KLRD1: variants seen among roughly 807,000 people sequenced by gnomAD.
KLRD1 encodes killer cell lectin like receptor D1.
A neutral mutation model predicts 22.6 loss-of-function variants in KLRD1; 21 were observed. That is an observed-to-expected ratio of 0.93 (90% CI 0.66 to 1.34). The LOEUF (loss-of-function observed/expected upper bound fraction) is 1.34. KLRD1 is among the 40% of genes most tolerant of loss of function. The pLI, the probability that KLRD1 is intolerant of heterozygous loss-of-function variation, is 0.00. For missense variants in KLRD1, 183 were observed against 208.6 expected, an observed-to-expected ratio of 0.88 and a Z score of 0.76; for synonymous variants, 59 against 71.1, an observed-to-expected ratio of 0.83 and a Z score of 0.85.
At chr12:10,251,383 C>T (rs1342225255) in intron 1 of KLRD1, among the ~76,000 whole-genome samples, 1 of 152,042 alleles carries the variant, frequency 6.6e-6, no homozygotes, top group Non-Finnish European at 1.5e-5. Flanking sequence ...TCTTAGCCTC[C>T]TAAAGTGCTG....
At chr12:10,253,536 A>G (rs1949364027) in intron 1 of KLRD1, among the ~76,000 whole-genome samples, 2 of 149,590 alleles carry the variant, frequency 1.3e-5, no homozygotes, top group South Asian at 4.3e-4. Flanking sequence ...CCCAGTACCC[A>G]ATAGATACCT....
Position 10,265,763 on chromosome 12 carries a change from A to C in KLRD1, c.-101+39530A>C, listed in dbSNP as rs116618550. On this transcript the variant is annotated intron_variant, in intron 1 of 5. Coordinates refer to the KLRD1 transcript ENST00000544747. ...CAGAGTGAGAATCCCTCTCAAAAAAAAGAAAAAGATTCTTAGGCCTAGGCC... is the reference window on the plus strand; with the variant it reads ...CAGAGTGAGAATCCCTCTCAAAAAACAGAAAAAGATTCTTAGGCCTAGGCC... 3.7e-3 allele frequency among the ~76,000 whole-genome samples: 563 copies of C among 152,324 alleles called. 2 individuals are homozygous for C. The highest frequency in any genetic ancestry group is 0.012 in the African/African-American group (509 of 41,570).
At chr12:10,259,816 A>C (rs1949431331) in intron 1 of KLRD1, among the ~76,000 whole-genome samples, 1 of 152,198 alleles carries the variant, frequency 6.6e-6, no homozygotes, top group Non-Finnish European at 1.5e-5. Context: ...AAATACAAAA[A>C]TTAGCCAGGC....
At chr12:10,311,974 T>C (rs565412775) in intron 4 of KLRD1, among the ~76,000 whole-genome samples, 21 of 152,152 alleles carry the variant, frequency 1.4e-4, no homozygotes, top group African/African-American at 4.8e-4. Context: ...TTTATAATTT[T>C]ATAGTTTTTG....
At chr12:10,252,095 T>C (rs1264543526) in intron 1 of KLRD1, among the ~76,000 whole-genome samples, 1 of 152,142 alleles carries the variant, frequency 6.6e-6, no homozygotes, top group South Asian at 2.1e-4. Flanking sequence ...ATTAAATTAC[T>C]GCTTTTTGCT....
intron 1 of KLRD1, among the ~76,000 whole-genome samples, chr12:10,241,519 G>T (rs1249376594): frequency 6.6e-6 from 1 of 152,114 alleles, no homozygotes; most frequent in Admixed American, 6.5e-5. Flanking sequence ...TCAAAGAGAA[G>T]GCTTCTAGGT....
intron 1 of KLRD1, among the ~76,000 whole-genome samples, chr12:10,285,132 G>A (rs1270515538): frequency 6.6e-6 from 1 of 152,152 alleles, no homozygotes; most frequent in Non-Finnish European, 1.5e-5. Flanking sequence ...CTCTACTGAT[G>A]TTGCCAGTGT....
At chr12:10,249,148 G>A (rs888937846) in intron 1 of KLRD1, among the ~76,000 whole-genome samples, 8 of 152,136 alleles carry the variant, frequency 5.3e-5, no homozygotes, top group African/African-American at 1.9e-4. Context: ...CAAACATGGA[G>A]TCATTGGCAT....
intron 1 of KLRD1, among the ~76,000 whole-genome samples, chr12:10,243,382 G>A (rs1949258592): frequency 6.6e-6 from 1 of 151,926 alleles, no homozygotes; most frequent in Non-Finnish European, 1.5e-5. Context: ...GGGAGGCCAA[G>A]GCAGGTGGAT....
At chr12:10,254,713 A>G (rs1321605600) in intron 1 of KLRD1, among the ~76,000 whole-genome samples, 2 of 151,872 alleles carry the variant, frequency 1.3e-5, no homozygotes, top group Non-Finnish European at 2.9e-5. Context: ...ACATGGTGAA[A>G]CCCTGTCTCA....
chr12:10,295,850 T>C (rs571202994), intron 1 of KLRD1, among the ~76,000 whole-genome samples: 1 of 152,284 alleles, frequency 6.6e-6, no homozygotes, highest in African/African-American at 2.4e-5. Flanking sequence ...AAGAAACATA[T>C]TAGGTTCATG....
upstream of KLRD1, among the ~76,000 whole-genome samples, chr12:10,306,146 G>A (rs1949922825): frequency 9.9e-6 from 1 of 101,258 alleles, no homozygotes; most frequent in Non-Finnish European, 2.5e-5. Flanking sequence ...CAGCCTGGGT[G>A]ACAGAGACTC....
At chr12:10,250,241 T>G (rs1949333738) in intron 1 of KLRD1, among the ~76,000 whole-genome samples, 1 of 7,498 alleles carries the variant, frequency 1.3e-4, no homozygotes, top group African/African-American at 1.5e-4. Context: ...GGGGCTGTTA[T>G]GAGTGCTGGA....
At chr12:10,243,636 G>GAA (rs1949263487) in intron 1 of KLRD1, among the ~76,000 whole-genome samples, 1 of 124,422 alleles carries the variant, frequency 8.0e-6, no homozygotes, top group African/African-American at 3.1e-5. Context: ...AAAAAAAACC[G>GAA]AAATGAAAGA....
At chr12:10,247,459 AT>A (rs1343120104) in intron 1 of KLRD1, among the ~76,000 whole-genome samples, 2 of 152,140 alleles carry the variant, frequency 1.3e-5, no homozygotes, top group African/African-American at 4.8e-5. Flanking sequence ...TTTGTATAAC[AT>A]TTTTAGAAAA....
Position 10,326,258 on chromosome 12 carries a change from A to G in KLRD1, c.*11465A>G, listed in dbSNP as rs1950360681. On this transcript the variant is annotated 3_prime_UTR_variant, in exon 6 of 6. Transcript: ENST00000336164. The stretch of plus-strand genomic sequence containing the variant: ...GCAATTATTTTCTCCCATTCTGTAG[A>G]TCATCCTTTCATTCCATTGGTTATT... 6.6e-6 allele frequency: 1 copy of G among 152,080 alleles called. No homozygotes were observed. The highest frequency in any genetic ancestry group is 2.4e-5 in the African/African-American group (1 of 41,374). 9.4% of individuals were successfully genotyped at this position (152,080 alleles called of 1,614,324 possible).
In KLRD1 at chr12:10,320,420, C is replaced by T. The variant is rs1950301744; in HGVS notation, c.*5627C>T. 1 of 152,010 alleles carries T rather than the reference C, an allele frequency of 6.6e-6. No homozygotes were observed. The highest frequency in any genetic ancestry group is 2.4e-5 in the African/African-American group (1 of 41,366). 9.4% of individuals were successfully genotyped at this position (152,010 alleles called of 1,614,324 possible). The stretch of plus-strand genomic sequence containing the variant: ...AAAGTAAAAATCTTTCTATTTAGTA[C>T]CAGAAAGTTTAGCAACACTTTTGTC... On this transcript the variant is annotated 3_prime_UTR_variant, in exon 6 of 6. Coordinates refer to ENST00000336164, the MANE Select transcript of KLRD1 (RefSeq NM_002262.5).
chr12:10,239,034 TAAAAAGCCA>T (rs1949208844), intron 1 of KLRD1, among the ~76,000 whole-genome samples: 1 of 152,178 alleles, frequency 6.6e-6, no homozygotes. Context: ...TCAAGAATTC[TAAAAAGCCA>T]GAATGAGGGG....
upstream of KLRD1, among the ~76,000 whole-genome samples, chr12:10,301,547 C>G (rs61658032): frequency 0.026 from 3,911 of 152,266 alleles, 152 homozygotes; most frequent in East Asian, 0.15. Flanking sequence ...TTCTCATTTT[C>G]TTGTTGTGTG....
Sources: gnomAD v4.1 joint callset for allele counts (sites outside exome capture counted in the v4.1 genomes callset) on GRCh38, gnomAD v4.1.1 for gene constraint, MANE v1.5 for transcripts, NCBI Gene and HGNC (gene_info 2026-07-23, HGNC 2026-07-21) for gene names.